GPC5: variants seen among roughly 807,000 people sequenced by gnomAD.
GPC5 encodes the protein glypican-5.
In GPC5, 47 loss-of-function variants were observed where a neutral mutation model predicts 53.9. The ratio of observed to expected loss-of-function variants is 0.87; its 90% CI spans 0.69 to 1.11. The LOEUF (loss-of-function observed/expected upper bound fraction) is 1.11. Among genes scored for constraint, GPC5 ranks in the 50% most tolerant of loss-of-function variants. The pLI, the probability that GPC5 is intolerant of heterozygous loss-of-function variation, is 0.00. For missense variants in GPC5, 748 were observed against 713.1 expected (o/e 1.05, Z -0.56); for synonymous variants, 286 against 263.3 (o/e 1.09, Z -0.84).
At chr13:92,841,572 A>AT (rs1198847160) in intron 7 of GPC5, among the ~76,000 whole-genome samples, 1 of 152,106 alleles carries the variant, frequency 6.6e-6, no homozygotes, top group Non-Finnish European at 1.5e-5. Flanking sequence ...ACTTTTAAAT[A>AT]TATCATAAGA....
intron 6 of GPC5, among the ~76,000 whole-genome samples, chr13:92,140,934 G>C (rs2041825966): frequency 6.6e-6 from 1 of 152,176 alleles, no homozygotes; most frequent in African/African-American, 2.4e-5. Flanking sequence ...ACAAGTCAGA[G>C]CTCAATCTGT....
chr13:92,771,536 G>T (rs1351611304), intron 7 of GPC5, among the ~76,000 whole-genome samples: 1 of 151,842 alleles, frequency 6.6e-6, no homozygotes, highest in Non-Finnish European at 1.5e-5. Flanking sequence ...GTAGAGATGG[G>T]GTTTCACCAT....
At chr13:91,680,572 A>G (rs2035485173) in intron 2 of GPC5, among the ~76,000 whole-genome samples, 1 of 152,242 alleles carries the variant, frequency 6.6e-6, no homozygotes, top group South Asian at 2.1e-4. Context: ...AACCATTCAT[A>G]ATAAAAGATT....
At chr13:92,479,105 A>G (rs1879255016) in intron 7 of GPC5, among the ~76,000 whole-genome samples, 1 of 152,172 alleles carries the variant, frequency 6.6e-6, no homozygotes, top group African/African-American at 2.4e-5. Flanking sequence ...TATAAGTCCA[A>G]AAGAGTTCAG....
At chr13:91,860,779 G>C (rs1321359091) in intron 5 of GPC5, among the ~76,000 whole-genome samples, 2 of 152,108 alleles carry the variant, frequency 1.3e-5, no homozygotes, top group Non-Finnish European at 2.9e-5. Context: ...TGGGATTACA[G>C]GCATGAGCCG....
At chr13:91,655,550 A>G (rs1473547554) in intron 2 of GPC5, among the ~76,000 whole-genome samples, 4 of 152,118 alleles carry the variant, frequency 2.6e-5, no homozygotes, top group Admixed American at 6.6e-5. Context: ...CTCAAAAGAT[A>G]TTTAAAAATT....
intron 7 of GPC5, among the ~76,000 whole-genome samples, chr13:92,690,987 A>G (rs1232261970): frequency 6.2e-5 from 4 of 64,352 alleles, no homozygotes; most frequent in Non-Finnish European, 1.1e-4. Context: ...AGACAGGGAC[A>G]CTTAAGTCTG....
At position 92,108,082 on chromosome 13, in the gene GPC5, G is replaced by A. The variant is rs2041524259; in HGVS notation, c.1402-36748G>A. ...CATCTGACCTGTGTATTCCAACCCA[G>A]CCACTTTGTTCCATTAGTCATCCTT... On this transcript the variant is annotated intron_variant, in intron 6 of 7. Coordinates refer to ENST00000377067, the MANE Select transcript of GPC5 (RefSeq NM_004466.6). Among the ~76,000 whole-genome samples the A allele has an allele frequency of 3.9e-5, 6 of 152,200 alleles. No individual in the cohort carries two copies. In the South Asian group the frequency reaches 1.2e-3, roughly 32 times the overall value.
At chr13:91,567,114 C>T (rs77585511) in intron 2 of GPC5, among the ~76,000 whole-genome samples, 1 of 151,992 alleles carries the variant, frequency 6.6e-6, no homozygotes, top group East Asian at 1.9e-4. Context: ...TTCTCAGGGC[C>T]AGCCTTGTCC....
chr13:92,221,696 C>T (rs948303968), intron 7 of GPC5, among the ~76,000 whole-genome samples: 13 of 151,060 alleles, frequency 8.6e-5, no homozygotes, highest in Admixed American at 2.7e-4. Flanking sequence ...GCAAAGTGCA[C>T]GCCAACAATA....
intron 6 of GPC5, among the ~76,000 whole-genome samples, chr13:92,000,741 T>C (rs1172669362): frequency 1.3e-5 from 2 of 152,186 alleles, no homozygotes; most frequent in Admixed American, 6.5e-5. Context: ...GTAGCAGGCA[T>C]AATAAGCTGT....
intron 7 of GPC5, among the ~76,000 whole-genome samples, chr13:92,175,660 T>C (rs2139028342): frequency 6.6e-6 from 1 of 152,250 alleles, no homozygotes; most frequent in Non-Finnish European, 1.5e-5. Flanking sequence ...TTAAAAAAAC[T>C]CAGACTTCTC....
intron 7 of GPC5, among the ~76,000 whole-genome samples, chr13:92,489,726 C>T (rs2149059): frequency 0.63 from 95,672 of 151,824 alleles, 30,341 homozygotes; most frequent in East Asian, 0.74. Context: ...AATATCACCA[C>T]GTTCTTTTGT....
chr13:92,305,265 C>G (rs9523620), intron 7 of GPC5, among the ~76,000 whole-genome samples: 1 of 151,840 alleles, frequency 6.6e-6, no homozygotes, highest in Admixed American at 6.6e-5. Context: ...AGTTGAGAAT[C>G]GTTAAAGTTA....
At chr13:92,394,804 A>G (rs74451808) in intron 7 of GPC5, among the ~76,000 whole-genome samples, 10,612 of 152,226 alleles carry the variant, frequency 0.07, 533 homozygotes, top group African/African-American at 0.14. Flanking sequence ...CTTCTACAAT[A>G]AAATCCATTT....
intron 6 of GPC5, among the ~76,000 whole-genome samples, chr13:91,997,709 G>A (rs1406772204): frequency 7.9e-5 from 12 of 152,138 alleles, no homozygotes; most frequent in South Asian, 4.2e-4. Flanking sequence ...TAGTAGAGAC[G>A]GGGTTTCACC....
chr13:92,384,266 T>G (rs904801941), intron 7 of GPC5, among the ~76,000 whole-genome samples: 13 of 152,160 alleles, frequency 8.5e-5, no homozygotes, highest in African/African-American at 2.7e-4. Flanking sequence ...ATACAGCATT[T>G]GTGCCCAGTT....
chr13:92,273,836 A>G (rs553102282), intron 7 of GPC5, among the ~76,000 whole-genome samples: 2 of 152,262 alleles, frequency 1.3e-5, no homozygotes, highest in Non-Finnish European at 2.9e-5. Flanking sequence ...ATAGATGAAG[A>G]GAAAGATGTT....
intron 5 of GPC5, among the ~76,000 whole-genome samples, chr13:91,779,941 T>G (rs1353069052): frequency 2.0e-5 from 3 of 152,330 alleles, no homozygotes; most frequent in Non-Finnish European, 2.9e-5. Context: ...GTTAAATGTA[T>G]AGTTTAGTAA....
Sources: allele counts gnomAD v4.1 joint callset (sites outside exome capture counted in the v4.1 genomes callset), GRCh38; gene constraint gnomAD v4.1.1; transcripts MANE v1.5; gene names NCBI Gene and HGNC (gene_info 2026-07-23, HGNC 2026-07-21).